MACROD2: variants seen among roughly 807,000 people sequenced by gnomAD.
The protein encoded by MACROD2 is ADP-ribose glycohydrolase MACROD2.
MACROD2 carries 36 observed loss-of-function variants against 70.4 expected under a neutral mutation model. That is an observed-to-expected ratio of 0.51 (90% CI 0.39 to 0.68). MACROD2 has a LOEUF of 0.68. Ranked by LOEUF, MACROD2 falls within the 30% of genes least tolerant of loss-of-function variation. The pLI is 0.00. For synonymous variants in MACROD2, 172 were observed against 178.8 expected (o/e 0.96, Z 0.30); for missense variants, 496 against 538.4 (o/e 0.92, Z 0.78).
intron 4 of MACROD2, among the ~76,000 whole-genome samples, chr20:14,611,621 C>T (rs2123429400): frequency 6.6e-6 from 1 of 152,176 alleles, no homozygotes; most frequent in East Asian, 1.9e-4. Flanking sequence ...CAGTGCCTGA[C>T]ACATGGTAGG....
At chr20:14,863,042 G>T (rs1333776959) in intron 5 of MACROD2, among the ~76,000 whole-genome samples, 1 of 151,792 alleles carries the variant, frequency 6.6e-6, no homozygotes, top group Non-Finnish European at 1.5e-5. Context: ...TTCTAATAAG[G>T]TATTATTAGT....
intron 3 of MACROD2, among the ~76,000 whole-genome samples, chr20:14,406,142 C>T (rs2083688399): frequency 6.6e-6 from 1 of 152,028 alleles, no homozygotes; most frequent in Admixed American, 6.6e-5. Context: ...AAAATTTGCT[C>T]CTCTCTGACC....
At chr20:15,557,323 CTT>C (rs1255918076) in intron 8 of MACROD2, among the ~76,000 whole-genome samples, 1 of 152,096 alleles carries the variant, frequency 6.6e-6, no homozygotes, top group Non-Finnish European at 1.5e-5. Context: ...TCTACTTTCT[CTT>C]CATTCTTTGA....
intron 7 of MACROD2, among the ~76,000 whole-genome samples, chr20:15,461,006 A>ATATTTTTTTT: frequency 3.0e-5 from 2 of 67,018 alleles, no homozygotes; most frequent in African/African-American, 8.4e-5. Context: ...ATATATATAT[A>ATATTTTTTTT]TTTTTTTTTA....
intron 5 of MACROD2, among the ~76,000 whole-genome samples, chr20:15,168,573 G>A (rs1268537237): frequency 4.6e-5 from 7 of 151,792 alleles, no homozygotes; most frequent in South Asian, 2.1e-4. Context: ...GTACACCAGC[G>A]ATCATGGCAG....
intron 6 of MACROD2, among the ~76,000 whole-genome samples, chr20:15,371,339 A>G (rs1418455403): frequency 6.6e-6 from 1 of 152,038 alleles, no homozygotes; most frequent in Admixed American, 6.5e-5. Flanking sequence ...ACAATTTCCA[A>G]AGTAAGTGGG....
At chr20:14,057,321 A>T (rs2053641904) in intron 2 of MACROD2, among the ~76,000 whole-genome samples, 1 of 152,184 alleles carries the variant, frequency 6.6e-6, no homozygotes, top group Non-Finnish European at 1.5e-5. Flanking sequence ...AAAGTTACTG[A>T]TAAGAGAAAA....
chr20:15,199,523 G>A (rs910499407), intron 5 of MACROD2, among the ~76,000 whole-genome samples: 1 of 152,106 alleles, frequency 6.6e-6, no homozygotes, highest in Non-Finnish European at 1.5e-5. Flanking sequence ...GATATTATAA[G>A]CATAATACTT....
At chr20:14,268,246 C>T (rs963328465) in intron 3 of MACROD2, among the ~76,000 whole-genome samples, 2 of 152,078 alleles carry the variant, frequency 1.3e-5, no homozygotes, top group Admixed American at 6.6e-5. Flanking sequence ...TCACAACTAA[C>T]AAAACTGACA....
intron 3 of MACROD2, among the ~76,000 whole-genome samples, chr20:14,286,924 C>T (rs951534875): frequency 1.3e-5 from 2 of 152,182 alleles, no homozygotes; most frequent in African/African-American, 4.8e-5. Flanking sequence ...ATAACTTTCA[C>T]TCTGACATTA....
chr20:14,166,320 C>CGT (rs922610440), intron 3 of MACROD2, among the ~76,000 whole-genome samples: 1 of 151,272 alleles, frequency 6.6e-6, no homozygotes, highest in African/African-American at 2.4e-5. Context: ...TAGACAATTC[C>CGT]GTGTGTGTAT....
intron 4 of MACROD2, among the ~76,000 whole-genome samples, chr20:14,600,461 A>T (rs1982421570): frequency 6.6e-6 from 1 of 151,864 alleles, no homozygotes. Context: ...ACTTTCTTTA[A>T]TTGTACATTG....
chr20:14,895,827 G>A (rs1329924195), intron 5 of MACROD2, among the ~76,000 whole-genome samples: 1 of 152,080 alleles, frequency 6.6e-6, no homozygotes, highest in Admixed American at 6.5e-5. Context: ...TAAATTTTTA[G>A]ATAAGAGTCA....
intron 2 of MACROD2, among the ~76,000 whole-genome samples, chr20:14,035,198 C>T (rs1341709968): frequency 6.6e-6 from 1 of 152,150 alleles, no homozygotes; most frequent in Non-Finnish European, 1.5e-5. Context: ...CTTGCTATTT[C>T]TCTTTCTTTT....
chr20:14,800,448 A>G (rs2072560761), intron 5 of MACROD2, among the ~76,000 whole-genome samples: 1 of 152,136 alleles, frequency 6.6e-6, no homozygotes, highest in Admixed American at 6.6e-5. Flanking sequence ...TTATGGGTGA[A>G]AATCATTGCC....
At chr20:15,930,110 C>T (rs2147311431) in intron 10 of MACROD2, among the ~76,000 whole-genome samples, 1 of 152,282 alleles carries the variant, frequency 6.6e-6, no homozygotes, top group South Asian at 2.1e-4. Context: ...AATAGCCTCG[C>T]ACTTCCCTAT....
chr20:15,905,418 T>C (rs915348216), intron 10 of MACROD2, among the ~76,000 whole-genome samples: 1 of 152,238 alleles, frequency 6.6e-6, no homozygotes, highest in African/African-American at 2.4e-5. Context: ...TGTCTGTGAG[T>C]AATTTAGACT....
At chr20:14,909,982 C>T (rs1300934617) in intron 5 of MACROD2, among the ~76,000 whole-genome samples, 2 of 152,112 alleles carry the variant, frequency 1.3e-5, no homozygotes, top group Non-Finnish European at 2.9e-5. Context: ...GCGTTGTTTT[C>T]TTGAGAACCT....
chr20:14,565,256 G>T (rs1373390749), intron 4 of MACROD2, among the ~76,000 whole-genome samples: 1 of 151,736 alleles, frequency 6.6e-6, no homozygotes, highest in African/African-American at 2.4e-5. Context: ...TGCACTATTT[G>T]GGTGATAGGT....
Sources: gnomAD v4.1 joint callset for allele counts (sites outside exome capture counted in the v4.1 genomes callset) on GRCh38, gnomAD v4.1.1 for gene constraint, MANE v1.5 for transcripts, NCBI Gene and HGNC (gene_info 2026-07-23, HGNC 2026-07-21) for gene names.